TRERF1: variants seen among roughly 807,000 people sequenced by gnomAD.
TRERF1 encodes transcriptional-regulating factor 1.
TRERF1 carries 27 observed loss-of-function variants against 122.9 expected under a neutral mutation model. The ratio of observed to expected loss-of-function variants is 0.22; its 90% CI spans 0.16 to 0.30. The LOEUF (loss-of-function observed/expected upper bound fraction) is 0.30, where lower values mean the gene tolerates loss of function less well. Ranked by LOEUF, TRERF1 falls within the 10% of genes least tolerant of loss-of-function variation. The pLI is 1.00. For synonymous variants in TRERF1, 636 were observed against 641.7 expected (o/e 0.99, Z 0.13); for missense variants, 1,248 against 1,560.3 (o/e 0.80, Z 3.37).
chr6:42,335,551 C>T (rs190165543), intron 3 of TRERF1, among the ~76,000 whole-genome samples: 52 of 152,330 alleles, frequency 3.4e-4, no homozygotes, highest in African/African-American at 1.1e-3. Flanking sequence ...CAGGGTTAGC[C>T]AGGGCCTGTG....
intron 2 of TRERF1, among the ~76,000 whole-genome samples, chr6:42,435,681 A>G (rs1173431729): frequency 6.6e-6 from 1 of 152,150 alleles, no homozygotes; most frequent in Non-Finnish European, 1.5e-5. Flanking sequence ...GGACTAGTTA[A>G]ATAAGTTATG....
intron 3 of TRERF1, among the ~76,000 whole-genome samples, chr6:42,339,931 T>C (rs895982461): frequency 4.6e-5 from 7 of 152,234 alleles, no homozygotes; most frequent in African/African-American, 1.7e-4. Context: ...TACTACTTAA[T>C]ACATATTCAA....
chr6:42,320,505 A>ATTTTTT (rs1420313838), intron 3 of TRERF1, among the ~76,000 whole-genome samples: 1 of 131,544 alleles, frequency 7.6e-6, no homozygotes, highest in African/African-American at 3.7e-5. Flanking sequence ...AAAGTGAAAG[A>ATTTTTT]ATTTTTTTTT....
At chr6:42,383,739 A>G (rs532868349) in intron 2 of TRERF1, among the ~76,000 whole-genome samples, 27 of 152,282 alleles carry the variant, frequency 1.8e-4, no homozygotes, top group African/African-American at 6.5e-4. Context: ...GCTACACAAA[A>G]TACAGAAATG....
chr6:42,347,805 A>G (rs1004112309), intron 3 of TRERF1, among the ~76,000 whole-genome samples: 6 of 152,234 alleles, frequency 3.9e-5, no homozygotes, highest in Admixed American at 3.3e-4. Flanking sequence ...ACTGTGGGAC[A>G]CAGAACTTCA....
In TRERF1 at chr6:42,263,448, C is replaced by T. The variant is rs973860464; in HGVS notation, c.1756G>A (p.Val586Met). Residue 586 changes from valine (V) to methionine (M), a missense_variant, in exon 8 of 18, where the codon GTG becomes ATG. By Grantham distance (21) the Val-to-Met change is conservative (BLOSUM62 1). Transcript: ENST00000372922. The surrounding 1 kb of genome is among the most constrained non-coding windows in gnomAD (Gnocchi z 5.6). The stretch of plus-strand genomic sequence containing the variant: ...GGGAGAAGCTTGACAGGGACAGACA[C>T]GGGCATGACCATAGGCGTGAGGCTT... 6.8e-6 allele frequency: 11 copies of T among 1,608,102 alleles called. No homozygotes were observed. Among genetic ancestry groups the T allele is most frequent in the South Asian group, 1.1e-5 (1 of 89,806 alleles).
At position 42,259,423 on chromosome 6, in the gene TRERF1, T is replaced by G; in HGVS notation, c.2185A>C (p.Ile729Leu). 1 of 1,578,136 alleles carries G rather than the reference T, an allele frequency of 6.3e-7. No homozygotes were observed. Among genetic ancestry groups the G allele is most frequent in the Admixed American group, 1.8e-5 (1 of 55,498 alleles). Reference sequence around the variant, plus strand: ...TGGGCGCCAGGGCCGTGGCCGGAGATGAGGACATTGCTGAAGAGCCCCGAG... The same window carrying G: ...TGGGCGCCAGGGCCGTGGCCGGAGAGGAGGACATTGCTGAAGAGCCCCGAG... The change falls in exon 9 of 18, where the codon ATC becomes CTC. Residue 729 changes from isoleucine (I) to leucine (L), a missense_variant. Around this residue, in one of 5 missense-constraint regions of TRERF1, gnomAD observed 946 missense variants for 1,073.0 expected, o/e 0.88. Transcript: ENST00000372922. The surrounding 1 kb of genome is among the most constrained non-coding windows in gnomAD (Gnocchi z 4.9).
At chr6:42,317,088 C>G (rs1313311506) in intron 3 of TRERF1, among the ~76,000 whole-genome samples, 1 of 152,174 alleles carries the variant, frequency 6.6e-6, no homozygotes, top group Non-Finnish European at 1.5e-5. Flanking sequence ...TTTCCACACC[C>G]CTACGATTTC....
chr6:42,328,171 C>A (rs1764634119), intron 3 of TRERF1, among the ~76,000 whole-genome samples: 1 of 151,744 alleles, frequency 6.6e-6, no homozygotes, highest in Admixed American at 6.6e-5. Context: ...CCATGCCCAG[C>A]TAATTTTTGT....
At chr6:42,339,464 A>G (rs1766827914) in intron 3 of TRERF1, among the ~76,000 whole-genome samples, 1 of 152,228 alleles carries the variant, frequency 6.6e-6, no homozygotes, top group African/African-American at 2.4e-5. Context: ...CTTAATGTCC[A>G]ATCAGTCCTC....
chr6:42,391,905 G>C (rs184750259), intron 2 of TRERF1, among the ~76,000 whole-genome samples: 1 of 152,288 alleles, frequency 6.6e-6, no homozygotes, highest in East Asian at 1.9e-4. Context: ...CTTAAAATGT[G>C]ATGAAGGCCT....
At chr6:42,327,675 G>A (rs148345121) in intron 3 of TRERF1, among the ~76,000 whole-genome samples, 146 of 152,298 alleles carry the variant, frequency 9.6e-4, no homozygotes, top group African/African-American at 3.2e-3. Flanking sequence ...AACACTGTCT[G>A]GAACATAGTT....
At chr6:42,401,136 G>C (rs77507672) in intron 2 of TRERF1, among the ~76,000 whole-genome samples, 2,807 of 152,284 alleles carry the variant, frequency 0.018, 77 homozygotes, top group African/African-American at 0.063. Flanking sequence ...AGGGTGGGAA[G>C]GGCAGGTATT....
intron 2 of TRERF1, among the ~76,000 whole-genome samples, chr6:42,447,008 GAAAC>G (rs201272462): frequency 1.3e-4 from 20 of 152,174 alleles, no homozygotes; most frequent in Admixed American, 9.8e-4. Context: ...CTGTCTCAAA[GAAAC>G]AAACAAACAA....
intron 3 of TRERF1, among the ~76,000 whole-genome samples, chr6:42,360,770 T>TAAAAAAAAAAAA (rs1491517636): frequency 4.7e-5 from 3 of 64,096 alleles, no homozygotes; most frequent in African/African-American, 1.4e-4. Flanking sequence ...AGTGGAGAGA[T>TAAAAAAAAAAAA]TAAAAAAAAA....
At chr6:42,372,860 C>T (rs1774019568) in intron 2 of TRERF1, among the ~76,000 whole-genome samples, 1 of 152,178 alleles carries the variant, frequency 6.6e-6, no homozygotes, top group African/African-American at 2.4e-5. Context: ...TGGGGCCCCA[C>T]TACGGAGGAA....
At chr6:42,279,196 G>A (rs1453289193) in intron 4 of TRERF1, among the ~76,000 whole-genome samples, 1 of 152,174 alleles carries the variant, frequency 6.6e-6, no homozygotes, top group Non-Finnish European at 1.5e-5. Context: ...AGGTGCAGTA[G>A]GCAGACCCTT....
At chr6:42,392,484 A>T (rs150514589) in intron 2 of TRERF1, among the ~76,000 whole-genome samples, 1 of 152,280 alleles carries the variant, frequency 6.6e-6, no homozygotes, top group East Asian at 1.9e-4. Context: ...GGAAACAGAG[A>T]GAAATAAAGC....
intron 2 of TRERF1, 24 bp from the exon 3 acceptor site, chr6:42,363,103 C>T (rs1772076595): frequency 6.5e-6 from 1 of 152,740 alleles, no homozygotes; most frequent in Non-Finnish European, 1.5e-5. Context: ...CCAAAGAGCA[C>T]AGTCAGGACA....
Sources: gnomAD v4.1 joint callset for allele counts (sites outside exome capture counted in the v4.1 genomes callset) on GRCh38, gnomAD v4.1.1 for gene constraint, gnomAD v4.1.1 regional missense constraint, Gnocchi (gnomAD v3.1) non-coding constraint, MANE v1.5 for transcripts, NCBI Gene and HGNC (gene_info 2026-07-23, HGNC 2026-07-21) for gene names.